Variants in PLCE1 observed in about 807,000 individuals in gnomAD.
The protein encoded by PLCE1 is 1-phosphatidylinositol 4,5-bisphosphate phosphodiesterase epsilon-1.
Under a neutral mutation model 242.8 loss-of-function variants are expected in PLCE1, and 119 were observed. The observed-to-expected ratio is 0.49, with a 90% CI of 0.42 to 0.57. The LOEUF is 0.57. Among genes scored for constraint, PLCE1 ranks in the 20% least tolerant of loss-of-function variants. PLCE1 has a pLI of 0.00. For missense variants in PLCE1, 2,441 were observed against 2,788.8 expected (o/e 0.88, Z 2.81); for synonymous variants, 945 against 1,017.4 (o/e 0.93, Z 1.35).
At chr10:94,305,266 C>CA in intron 25 of PLCE1, among the ~76,000 whole-genome samples, 1 of 152,108 alleles carries the variant, frequency 6.6e-6, no homozygotes, top group South Asian at 2.1e-4. Flanking sequence ...CCTGTTTCTA[C>CA]AAAAAAATAA....
intron 9 of PLCE1, among the ~76,000 whole-genome samples, chr10:94,253,204 C>T (rs2050942606): frequency 6.6e-6 from 1 of 152,168 alleles, no homozygotes. Flanking sequence ...TTAATTGACT[C>T]ACAGTTCTGC....
chr10:94,211,779 C>A (rs1170502128), intron 4 of PLCE1, among the ~76,000 whole-genome samples: 5 of 152,016 alleles, frequency 3.3e-5, no homozygotes, highest in Admixed American at 2.6e-4. Context: ...CTCCTATAAC[C>A]CACCCACCCC....
chr10:94,040,465 G>A (rs7072252), intron 2 of PLCE1, among the ~76,000 whole-genome samples: 3,263 of 152,208 alleles, frequency 0.021, 126 homozygotes, highest in African/African-American at 0.074. Flanking sequence ...ATCCAACACA[G>A]TGATGGTTGA....
intron 2 of PLCE1, among the ~76,000 whole-genome samples, chr10:94,040,285 T>C (rs2061739946): frequency 6.6e-6 from 1 of 152,134 alleles, no homozygotes; most frequent in Non-Finnish European, 1.5e-5. Context: ...TTTTCCAACT[T>C]CTCCAGATTC....
At chr10:94,103,051 G>T (rs1202113906) in intron 2 of PLCE1, among the ~76,000 whole-genome samples, 1 of 152,120 alleles carries the variant, frequency 6.6e-6, no homozygotes, top group Non-Finnish European at 1.5e-5. Flanking sequence ...CTAATAAACT[G>T]CCCATCACAA....
At position 94,062,750 on chromosome 10, in the gene PLCE1, A is replaced by G. The variant is rs553863448; in HGVS notation, c.1206+30498A>G. On this transcript the variant is annotated intron_variant, in intron 2 of 32. Coordinates refer to ENST00000371380, the MANE Select transcript of PLCE1 (RefSeq NM_016341.4). The stretch of plus-strand genomic sequence containing the variant: ...ATTTGTATGCTTGCCACTGAATGAC[A>G]TAGTCAACTGTTGTCTTTCTGAGTT... Among the ~76,000 whole-genome samples the G allele has an allele frequency of 3.0e-3, 453 of 152,122 alleles. 2 individuals are homozygous for G. Among genetic ancestry groups the G allele is most frequent in the African/African-American group, 0.01 (434 of 41,528 alleles).
chr10:94,180,606 T>C (rs2048281591), intron 4 of PLCE1, among the ~76,000 whole-genome samples: 1 of 152,326 alleles, frequency 6.6e-6, no homozygotes, highest in South Asian at 2.1e-4. Flanking sequence ...TGTCTGTTCA[T>C]TCCTATTTTA....
chr10:94,133,591 T>G (rs1479129091), intron 3 of PLCE1, among the ~76,000 whole-genome samples: 1 of 152,104 alleles, frequency 6.6e-6, no homozygotes, highest in Non-Finnish European at 1.5e-5. Flanking sequence ...TCCTCAGCCT[T>G]CTCCATTCCT....
At chr10:94,107,572 T>A (rs557242870) in intron 2 of PLCE1, 4 of 152,126 alleles carry the variant, frequency 2.6e-5, no homozygotes, top group Non-Finnish European at 5.9e-5. Flanking sequence ...TAGTAAACAG[T>A]GGACTCTGTA....
intron 3 of PLCE1, among the ~76,000 whole-genome samples, chr10:94,161,450 G>T (rs941204479): frequency 2.0e-5 from 3 of 151,972 alleles, no homozygotes; most frequent in Non-Finnish European, 1.5e-5. Flanking sequence ...TCATGATTTG[G>T]CTCTCTGTCT....
In PLCE1 at chr10:94,255,020, G is replaced by T. The variant is rs373602172; in HGVS notation, c.3525G>T (p.Val1175=). ...SSPIRPVSSP[V]LSSSNKSPSS... ...CCATCAGGCCAGTGTCCTCCCCTGTGCTGTCTTCTTCAAACAAGAGCCCAT... is the reference window on the plus strand; with the variant it reads ...CCATCAGGCCAGTGTCCTCCCCTGTTCTGTCTTCTTCAAACAAGAGCCCAT... Residue 1175 remains valine (V), a synonymous_variant, in exon 11 of 33, where the codon GTG becomes GTT. Coordinates refer to ENST00000371380, the MANE Select transcript of PLCE1 (RefSeq NM_016341.4). 1 of 1,614,096 alleles carries T rather than the reference G, an allele frequency of 6.2e-7. No individual in the cohort carries two copies.
intron 4 of PLCE1, among the ~76,000 whole-genome samples, chr10:94,204,802 GC>G (rs1564787004): frequency 2.9e-3 from 108 of 37,080 alleles, no homozygotes; most frequent in African/African-American, 9.6e-3. Flanking sequence ...AAGGAAGGAA[GC>G]AAAATAATGT....
rs202230448 is a variant in PLCE1, at chr10:94,316,578, T to C, written c.6164T>C (p.Val2055Ala). The C allele has an allele frequency of 1.2e-5, 20 of 1,608,986 alleles. No individual in the cohort carries two copies. The East Asian group carries it at 3.3e-4, about 27-fold the overall frequency. ...ACAAATGAACAAGACATCAAACCTG[T>C]TACCACAGACTATTTTTTGATGGAA... The part of the protein sequence containing the change: ...ILTNEQDIKP[V>A]TTDYFLMEEK... The change falls in exon 29 of 33, where the codon GTT becomes GCT. Residue 2055 changes from valine (V) to alanine (A), a missense_variant. Physicochemically the swap from Val to Ala is moderately conservative, Grantham distance 64. Coordinates refer to ENST00000371380, the MANE Select transcript of PLCE1 (RefSeq NM_016341.4).
chr10:94,308,615 T>C lies in PLCE1; in HGVS notation c.5919T>C (p.Asn1973=). The C allele has an allele frequency of 6.2e-7, 1 of 1,613,456 alleles. No homozygotes were observed. Among genetic ancestry groups the C allele is most frequent in the East Asian group, 2.2e-5 (1 of 44,884 alleles). The change falls in exon 27 of 33, where the codon AAT becomes AAC. Residue 1973 remains asparagine, a synonymous_variant. Coordinates refer to ENST00000371380, the MANE Select transcript of PLCE1 (RefSeq NM_016341.4). ...ATCTTCAGCTGCGAAACCTTCACAA[T>C]GAAGTCTTGGAGATTTCTAGTTTAT... ...YRHLQLRNLH[N]EVLEISSLFI... is the part of the protein sequence containing the mutation.
At chr10:94,022,358 TAAA>T (rs2061388592) in intron 1 of PLCE1, among the ~76,000 whole-genome samples, 2 of 151,850 alleles carry the variant, frequency 1.3e-5, no homozygotes, top group African/African-American at 4.8e-5. Context: ...TACAGATAAA[TAAA>T]AAACATTGCT....
chr10:94,095,753 T>C (rs1309656220), intron 2 of PLCE1, among the ~76,000 whole-genome samples: 3 of 152,150 alleles, frequency 2.0e-5, no homozygotes, highest in Admixed American at 6.5e-5. Context: ...CCTTAATGGG[T>C]GGTGTCTTCC....
At chr10:94,300,992 T>C (rs533407904) in intron 24 of PLCE1, among the ~76,000 whole-genome samples, 1 of 151,154 alleles carries the variant, frequency 6.6e-6, no homozygotes, top group South Asian at 2.1e-4. Context: ...TTGCAGTGTA[T>C]CAAGATTGTG....
intron 3 of PLCE1, among the ~76,000 whole-genome samples, chr10:94,145,846 A>G (rs866610385): frequency 3.9e-5 from 6 of 152,230 alleles, no homozygotes; most frequent in Admixed American, 2.0e-4. Context: ...AAAAAGGAGA[A>G]GGGCTGTAAA....
chr10:94,315,016 G>A lies in PLCE1; in HGVS notation c.6133-1531G>A, dbSNP rs2053519824. ...AACTTACCAAGAGCCACCCATAGCAGTCCATTGCTTTACTGTCACCCGTGC... is the reference window on the plus strand; with the variant it reads ...AACTTACCAAGAGCCACCCATAGCAATCCATTGCTTTACTGTCACCCGTGC... On this transcript the variant is annotated intron_variant, in intron 28 of 32. Transcript: ENST00000371380. The A allele has an allele frequency of 1.8e-5, 3 of 165,034 alleles. No individual in the cohort carries two copies. In the South Asian group the frequency reaches 5.1e-4, roughly 28 times the overall value. The allele number at this position is 165,034 out of a possible 1,614,324, so 10.2% of individuals were successfully genotyped here. A position where few individuals can be genotyped will look rare whatever the true frequency, so the allele number is the denominator to read the frequency against.
Sources: gnomAD v4.1 joint callset for allele counts (sites outside exome capture counted in the v4.1 genomes callset) on GRCh38, gnomAD v4.1.1 for gene constraint, MANE v1.5 for transcripts, NCBI Gene and HGNC (gene_info 2026-07-23, HGNC 2026-07-21) for gene names.